The following HIPK2 variants were observed in gnomAD, a reference collection of about 807,000 sequenced individuals.
The protein encoded by HIPK2 is homeodomain interacting protein kinase 2, also known as homeodomain-interacting protein kinase 2.
Under a neutral mutation model 113.7 loss-of-function variants are expected in HIPK2, and 27 were observed. That is an observed-to-expected ratio of 0.24 (90% CI 0.17 to 0.33). The LOEUF (loss-of-function observed/expected upper bound fraction) is 0.33, where lower values mean the gene tolerates loss of function less well. Ranked by LOEUF, HIPK2 falls within the 10% of genes least tolerant of loss-of-function variation. The pLI is 1.00. For synonymous variants in HIPK2, 631 were observed against 642.2 expected, an observed-to-expected ratio of 0.98 and a Z score of 0.26; for missense variants, 1,257 against 1,588.0, an observed-to-expected ratio of 0.79 and a Z score of 3.54.
intron 2 of HIPK2, among the ~76,000 whole-genome samples, chr7:139,682,547 C>T (rs1802742049): frequency 6.6e-6 from 1 of 152,212 alleles, no homozygotes; most frequent in Non-Finnish European, 1.5e-5. Flanking sequence ...CTCTGGGTCC[C>T]TGTGGTGGGT....
rs1261042604 is a variant in HIPK2, at chr7:139,673,083, G to C, written c.1104-41358C>G. Among the ~76,000 whole-genome samples the C allele has an allele frequency of 2.1e-5, 3 of 145,074 alleles. No individual in the cohort carries two copies. The East Asian group carries it at 5.9e-4, about 29-fold the overall frequency. Reference sequence around the variant, plus strand: ...CTAGTGGCTAGAACAGTGGTGATTAGAAAAGCAGTGGTTAGAACTTTTTTT... The same window carrying C: ...CTAGTGGCTAGAACAGTGGTGATTACAAAAGCAGTGGTTAGAACTTTTTTT... On this transcript the variant is annotated intron_variant, in intron 2 of 14. Coordinates refer to ENST00000406875, the MANE Select transcript of HIPK2 (RefSeq NM_022740.5).
chr7:139,694,258 C>G (rs1397438036), intron 2 of HIPK2, among the ~76,000 whole-genome samples: 2 of 152,202 alleles, frequency 1.3e-5, no homozygotes, highest in Non-Finnish European at 2.9e-5. Context: ...GTCTGCCATG[C>G]TCCACTCTGC....
intron 2 of HIPK2, among the ~76,000 whole-genome samples, chr7:139,694,079 AG>A: frequency 6.6e-6 from 1 of 152,252 alleles, no homozygotes; most frequent in East Asian, 1.9e-4. Flanking sequence ...TAAATCATCA[AG>A]AAAGGTTAAG....
chr7:139,714,604 C>T lies in HIPK2; in HGVS notation c.1103+1328G>A, dbSNP rs528635146. ...GCCTTCTCTCTGTGGCCTTGAAAGG[C>T]GCATGGAGAAAGCACACGGGCAAGC... On this transcript the variant is annotated intron_variant, in intron 2 of 14. Transcript: ENST00000406875. This position sits in a 1 kb window ranked among gnomAD's most constrained non-coding sequence, Gnocchi z 4.2. Among the ~76,000 whole-genome samples, 4 of 152,202 alleles carry T rather than the reference C, an allele frequency of 2.6e-5. No homozygotes were observed. The highest frequency in any genetic ancestry group is 2.1e-4 in the South Asian group (1 of 4,836).
intron 1 of HIPK2, among the ~76,000 whole-genome samples, chr7:139,768,913 A>G (rs1796598443): frequency 6.6e-6 from 1 of 152,172 alleles, no homozygotes; most frequent in African/African-American, 2.4e-5. Flanking sequence ...CACACATAAC[A>G]TTGGAACAGC....
rs1205629406 is a variant in HIPK2 at position 139,566,043 on chromosome 7, A to G, written c.*6884T>C. On this transcript the variant is annotated 3_prime_UTR_variant, in exon 15 of 15. Transcript: ENST00000406875. The surrounding 1 kb of genome is among the most constrained non-coding windows in gnomAD (Gnocchi z 4.1). ...TACTAAAGCTAGTTGGTATGCTGGAAAGAAATCTAAAAGGAATTCTATGAA... is the reference window on the plus strand; with the variant it reads ...TACTAAAGCTAGTTGGTATGCTGGAGAGAAATCTAAAAGGAATTCTATGAA... 2.0e-5 allele frequency: 3 copies of G among 152,232 alleles called. No individual in the cohort carries two copies. Among genetic ancestry groups the G allele is most frequent in the Non-Finnish European group, 4.4e-5 (3 of 68,040 alleles). The allele number at this position is 152,232 out of a possible 1,614,324, so 9.4% of individuals were successfully genotyped here. A position where few individuals can be genotyped will look rare whatever the true frequency, so the allele number is the denominator to read the frequency against.
chr7:139,597,987 C>G (rs1023054713), intron 11 of HIPK2, among the ~76,000 whole-genome samples: 2 of 152,148 alleles, frequency 1.3e-5, no homozygotes, highest in African/African-American at 4.8e-5. Flanking sequence ...AGTCTAAACA[C>G]AAAATTCTTT....
At chr7:139,643,625 G>C (rs1801105759) in intron 2 of HIPK2, among the ~76,000 whole-genome samples, 1 of 152,160 alleles carries the variant, frequency 6.6e-6, no homozygotes, top group Admixed American at 6.5e-5. Context: ...TTATGTGCTT[G>C]TGCATGTAGA....
rs1281482583 is a variant in HIPK2, at chr7:139,594,985, C to T, written c.2717+1732G>A. 3.3e-5 allele frequency among the ~76,000 whole-genome samples: 5 copies of T among 152,162 alleles called. No homozygotes were observed. In the East Asian group the frequency reaches 9.6e-4, roughly 29 times the overall value. On this transcript the variant is annotated intron_variant, in intron 12 of 14. Transcript: ENST00000406875. The stretch of plus-strand genomic sequence containing the variant: ...CCGCAGAGGCACGGACATGCTCTGG[C>T]TTTGCGTTCCACTCTCAGCCCTGTC...
rs1475537134 is a variant in HIPK2 at position 139,631,750 on chromosome 7, C to T, written c.1104-25G>A. The T allele has an allele frequency of 2.5e-6, 4 of 1,602,680 alleles. No homozygotes were observed. The Admixed American group carries it at 5.2e-5, about 21-fold the overall frequency. ...CCTGAAAAGGAAGAATGGAAGAAAC[C>T]ATTAGCAAGTTGGAAATGCAGGAAG... is the stretch of plus-strand genomic sequence containing the variant. On this transcript the variant is annotated intron_variant, in intron 2 of 14. Coordinates refer to ENST00000406875, the MANE Select transcript of HIPK2 (RefSeq NM_022740.5). The surrounding 1 kb of genome is among the most constrained non-coding windows in gnomAD (Gnocchi z 4.9).
chr7:139,720,020 C>T (rs549658496), intron 1 of HIPK2, among the ~76,000 whole-genome samples: 1 of 152,342 alleles, frequency 6.6e-6, no homozygotes, highest in South Asian at 2.1e-4. Flanking sequence ...GATACATTTA[C>T]ATGTTGATTC....
intron 2 of HIPK2, among the ~76,000 whole-genome samples, chr7:139,675,100 G>C (rs1802451739): frequency 6.6e-6 from 1 of 152,200 alleles, no homozygotes; most frequent in South Asian, 2.1e-4. Context: ...TCCAATAGAT[G>C]CTGGTGCATC....
In HIPK2 at chr7:139,697,619, T is replaced by C. The variant is rs888529210; in HGVS notation, c.1103+18313A>G. On this transcript the variant is annotated intron_variant, in intron 2 of 14. Transcript: ENST00000406875. ...AAAAAATAATTAAACAGAAAATTAATTTTTTTCCCTTTTCTGTTTAAAAAA... is the reference window on the plus strand; with the variant it reads ...AAAAAATAATTAAACAGAAAATTAACTTTTTTCCCTTTTCTGTTTAAAAAA... Among the ~76,000 whole-genome samples the C allele has an allele frequency of 6.0e-3, 915 of 152,184 alleles. 6 individuals are homozygous for C. The highest frequency in any genetic ancestry group is 0.021 in the African/African-American group (864 of 41,534).
At chr7:139,772,560 AAGAG>A (rs72280132) in intron 1 of HIPK2, among the ~76,000 whole-genome samples, 15,442 of 151,972 alleles carry the variant, frequency 0.1, 2,568 homozygotes, top group African/African-American at 0.35. Flanking sequence ...AAAACACTTC[AAGAG>A]AGATAGGAAA....
intron 1 of HIPK2, among the ~76,000 whole-genome samples, chr7:139,767,070 T>C (rs1796565198): frequency 1.3e-5 from 2 of 152,218 alleles, no homozygotes; most frequent in African/African-American, 2.4e-5. Context: ...GCCAGGTCCC[T>C]GACTCTCTCA....
chr7:139,703,572 C>A (rs1210126830), intron 2 of HIPK2, among the ~76,000 whole-genome samples: 4 of 151,894 alleles, frequency 2.6e-5, no homozygotes, highest in African/African-American at 9.7e-5. Flanking sequence ...GATGACACTT[C>A]CCCAGTCATG....
Position 139,567,767 on chromosome 7 carries a change from T to TC in HIPK2, c.*5159dup, listed in dbSNP as rs1214549739. 6.6e-6 allele frequency: 1 copy of TC among 152,222 alleles called. No homozygotes were observed. Among genetic ancestry groups the TC allele is most frequent in the Non-Finnish European group, 1.5e-5 (1 of 68,092 alleles). 9.4% of individuals were successfully genotyped at this position (152,222 alleles called of 1,614,324 possible). On this transcript the variant is annotated 3_prime_UTR_variant, in exon 15 of 15. Coordinates refer to ENST00000406875, the MANE Select transcript of HIPK2 (RefSeq NM_022740.5). ...GGCCTGCAGAAGGAACCCTTACCTC[T>TC]CCTCAATTCTCTCTGCTAGTTGAGA...
intron 6 of HIPK2, among the ~76,000 whole-genome samples, chr7:139,624,700 G>C (rs1800364112): frequency 6.6e-6 from 1 of 152,114 alleles, no homozygotes; most frequent in Non-Finnish European, 1.5e-5. Context: ...TTTGGGCAAA[G>C]TCTCCAATAG....
chr7:139,757,637 C>T (rs1033336219), intron 1 of HIPK2, among the ~76,000 whole-genome samples: 9 of 151,960 alleles, frequency 5.9e-5, no homozygotes, highest in African/African-American at 2.2e-4. Flanking sequence ...TTGCATGATT[C>T]CATTTATAGA....
Sources: gnomAD v4.1 joint callset for allele counts (sites outside exome capture counted in the v4.1 genomes callset) on GRCh38, gnomAD v4.1.1 for gene constraint, Gnocchi (gnomAD v3.1) non-coding constraint, MANE v1.5 for transcripts, NCBI Gene and HGNC (gene_info 2026-07-23, HGNC 2026-07-21) for gene names.